VSIG1: variants seen among roughly 807,000 people sequenced by gnomAD.
VSIG1 encodes the protein V-set and immunoglobulin domain containing 1.
VSIG1 carries 11 observed loss-of-function variants against 20.1 expected under a neutral mutation model. That is an observed-to-expected ratio of 0.55 (90% CI 0.34 to 0.91). The LOEUF is 0.91. Among genes scored for constraint, VSIG1 ranks in the 40% least tolerant of loss-of-function variants. The pLI, the probability that VSIG1 is intolerant of heterozygous loss-of-function variation, is 0.02. For synonymous variants in VSIG1, 126 were observed against 116.7 expected, an observed-to-expected ratio of 1.08 and a Z score of -0.52; for missense variants, 283 against 298.8, an observed-to-expected ratio of 0.95 and a Z score of 0.39.
At chrX:108,047,949 T>TACACAC in intron 1 of VSIG1, among the ~76,000 whole-genome samples, 1 of 28,565 alleles carries the variant, frequency 3.5e-5, no homozygotes, top group Admixed American at 4.7e-4. Flanking sequence ...TATATATATA[T>TACACAC]ATATACACAC....
intron 3 of VSIG1, 58 bp downstream of exon 3, chrX:108,067,192 G>A: frequency 1.8e-6 from 2 of 1,115,186 alleles, no homozygotes; most frequent in Non-Finnish European, 2.5e-6. Context: ...CACTGAATGA[G>A]CCAGGACAGT....
intron 5 of VSIG1, chrX:108,073,662 G>A (rs1393336359): frequency 5.0e-6 from 1 of 201,897 alleles, no homozygotes; most frequent in Non-Finnish European, 9.0e-6. Context: ...TCTGATAACA[G>A]CAGGCTGAAT....
intron 1 of VSIG1, among the ~76,000 whole-genome samples, chrX:108,054,524 T>C (rs2030851906): frequency 9.0e-6 from 1 of 111,480 alleles, no homozygotes; most frequent in African/African-American, 3.2e-5. Flanking sequence ...AACACACTTT[T>C]TTTTGGCACC....
intron 1 of VSIG1, among the ~76,000 whole-genome samples, chrX:108,047,357 C>T (rs1390406262): frequency 9.0e-6 from 1 of 111,621 alleles, no homozygotes; most frequent in Non-Finnish European, 1.9e-5. Context: ...AATTCTAATT[C>T]AGGAAAACGA....
At chrX:108,029,034 T>C in the VSIG1 span, among the ~76,000 whole-genome samples, 1 of 111,836 alleles carries the variant, frequency 8.9e-6, no homozygotes, top group Non-Finnish European at 1.9e-5. Flanking sequence ...GGAATTGCTT[T>C]ATTTCAGATT....
At chrX:108,037,154 A>G in the VSIG1 span, among the ~76,000 whole-genome samples, 1 of 112,091 alleles carries the variant, frequency 8.9e-6, no homozygotes, top group East Asian at 2.8e-4. Flanking sequence ...GAACCATTCC[A>G]ATATAAATGA....
At chrX:108,042,531 C>T (rs1412651336), upstream of VSIG1, among the ~76,000 whole-genome samples, 1 of 111,719 alleles carries the variant, frequency 9.0e-6, no homozygotes, top group Admixed American at 9.5e-5. Flanking sequence ...GGTCACACTA[C>T]TATAATCACT....
At chrX:108,024,057 G>A in the VSIG1 span, among the ~76,000 whole-genome samples, 4 of 111,534 alleles carry the variant, frequency 3.6e-5, no homozygotes, top group East Asian at 1.1e-3. Context: ...CATTAGTTTG[G>A]CCCTGTAATT....
chrX:108,028,915 G>A, the VSIG1 span, among the ~76,000 whole-genome samples: 1 of 111,569 alleles, frequency 9.0e-6, no homozygotes, highest in Admixed American at 9.5e-5. Context: ...TGTCTCCAGG[G>A]TCTACTAAAA....
chrX:108,068,142 A>G (rs2031170167), intron 3 of VSIG1, among the ~76,000 whole-genome samples: 1 of 112,212 alleles, frequency 8.9e-6, no homozygotes, highest in Non-Finnish European at 1.9e-5. Context: ...CCACTCAGGT[A>G]ATGCCACAAA....
upstream of VSIG1, among the ~76,000 whole-genome samples, chrX:108,040,845 T>G (rs1316400385): frequency 9.0e-6 from 1 of 110,974 alleles, no homozygotes; most frequent in African/African-American, 3.3e-5. Context: ...ATTATCATCT[T>G]TATGTTTTAA....
intron 5 of VSIG1, among the ~76,000 whole-genome samples, chrX:108,074,366 CTGCAGA>C (rs1338002907): frequency 1.4e-4 from 16 of 111,835 alleles, no homozygotes; most frequent in African/African-American, 5.2e-4. Flanking sequence ...TACAATCATA[CTGCAGA>C]TGTAGAGATA....
intron 1 of VSIG1, among the ~76,000 whole-genome samples, chrX:108,053,426 T>G (rs1489432713): frequency 7.2e-5 from 8 of 111,249 alleles, no homozygotes; most frequent in African/African-American, 1.6e-4. Context: ...CTGTTATGAC[T>G]CACACATGAA....
chrX:108,076,933 A>G, intron 6 of VSIG1, 115 bp from the exon 7 acceptor site: 1 of 749,487 alleles, frequency 1.3e-6, no homozygotes. Flanking sequence ...GAAATAACAG[A>G]TTTCCTGAAG....
chrX:108,067,063 A>G lies in VSIG1; in HGVS notation c.341A>G (p.Tyr114Cys). The G allele has an allele frequency of 8.3e-7, 1 of 1,211,482 alleles. No individual in the cohort carries two copies. Among genetic ancestry groups the G allele is most frequent in the Non-Finnish European group, 1.1e-6 (1 of 895,343 alleles). The change falls in exon 3 of 7, where the codon TAC (tyrosine) becomes TGC (cysteine). Residue 114 changes from tyrosine (Y) to cysteine (C), a missense_variant. Coordinates refer to ENST00000217957, the MANE Select transcript of VSIG1 (RefSeq NM_182607.5). ...ATGCAGCCAGCAGACAGTGGAATTT[A>G]CATCTGCGATGTTAACAACCCCCCA... is the stretch of plus-strand genomic sequence containing the variant. ...SHMQPADSGI[Y>C]ICDVNNPPDF... is the part of the protein sequence containing the mutation.
At chrX:108,034,763 A>G in the VSIG1 span, among the ~76,000 whole-genome samples, 4 of 112,133 alleles carry the variant, frequency 3.6e-5, no homozygotes, top group Non-Finnish European at 7.5e-5. Context: ...CAAAGCACAA[A>G]GAAATTAAAT....
chrX:108,076,719 TG>T (rs1232142903), intron 6 of VSIG1, among the ~76,000 whole-genome samples: 1 of 111,529 alleles, frequency 9.0e-6, no homozygotes, highest in East Asian at 2.8e-4. Flanking sequence ...TGCCAAGTAT[TG>T]TACTAGATGG....
chrX:108,072,609 A>C lies in VSIG1; in HGVS notation c.413-68A>C, dbSNP rs1465826446. ...ATATTATTCAAAATGAAAGTGAGGA[A>C]GTGACTGCAATTGTCACAGAATGCC... On this transcript the variant is annotated intron_variant, in intron 3 of 6. Transcript: ENST00000217957. 1.6e-5 allele frequency: 16 copies of C among 1,005,257 alleles called. No homozygotes were observed. In the African/African-American group the frequency reaches 2.5e-4, roughly 16 times the overall value. 82.8% of individuals were successfully genotyped at this position (1,005,257 alleles called of 1,213,427 possible).
intron 2 of VSIG1, among the ~76,000 whole-genome samples, chrX:108,062,388 C>A (rs890818677): frequency 7.2e-5 from 8 of 111,418 alleles, no homozygotes; most frequent in African/African-American, 9.8e-5. Flanking sequence ...GAGTTGTCTG[C>A]CCAAAATGCC....
Sources: gnomAD v4.1 joint callset for allele counts (sites outside exome capture counted in the v4.1 genomes callset) on GRCh38, gnomAD v4.1.1 for gene constraint, MANE v1.5 for transcripts, NCBI Gene and HGNC (gene_info 2026-07-23, HGNC 2026-07-21) for gene names.